SLC9A9: variants seen among roughly 807,000 people sequenced by gnomAD.
The protein encoded by SLC9A9 is solute carrier family 9 member A9, also known as sodium/hydrogen exchanger 9.
SLC9A9 carries 62 observed loss-of-function variants against 77.8 expected under a neutral mutation model. That is an observed-to-expected ratio of 0.80 (90% CI 0.65 to 0.98). SLC9A9 has a LOEUF of 0.98. SLC9A9 is among the 50% of genes least tolerant of loss of function. SLC9A9 has a pLI of 0.00. For synonymous variants in SLC9A9, 320 were observed against 283.5 expected, an observed-to-expected ratio of 1.13 and a Z score of -1.29; for missense variants, 775 against 774.9, an observed-to-expected ratio of 1.00 and a Z score of 0.00.
At chr3:143,691,046 C>G (rs1280677599) in intron 5 of SLC9A9, among the ~76,000 whole-genome samples, 2 of 152,034 alleles carry the variant, frequency 1.3e-5, no homozygotes, top group Admixed American at 1.3e-4. Flanking sequence ...ATATGAATCT[C>G]TTGAGGATAC....
intron 14 of SLC9A9, among the ~76,000 whole-genome samples, chr3:143,282,073 C>T (rs1366609420): frequency 1.3e-5 from 2 of 152,150 alleles, no homozygotes; most frequent in Non-Finnish European, 2.9e-5. Context: ...TTCAATATAG[C>T]TCTACTGTCA....
At chr3:143,435,227 C>A (rs1240457210) in intron 12 of SLC9A9, among the ~76,000 whole-genome samples, 1 of 152,088 alleles carries the variant, frequency 6.6e-6, no homozygotes, top group Non-Finnish European at 1.5e-5. Context: ...CTGTAAGCAT[C>A]TTGTAGCCAG....
chr3:143,741,890 C>T (rs1036282147), intron 4 of SLC9A9, among the ~76,000 whole-genome samples: 12 of 152,096 alleles, frequency 7.9e-5, no homozygotes, highest in Non-Finnish European at 1.0e-4. Context: ...GCTGAGTTAA[C>T]TTTGGGAGAA....
At chr3:143,381,145 T>C (rs1007927839) in intron 13 of SLC9A9, among the ~76,000 whole-genome samples, 28 of 152,224 alleles carry the variant, frequency 1.8e-4, no homozygotes, top group Admixed American at 5.9e-4. Flanking sequence ...GTTTGGAGAA[T>C]GCATTTCCCC....
intron 2 of SLC9A9, among the ~76,000 whole-genome samples, chr3:143,820,574 G>T (rs2009140319): frequency 6.6e-6 from 1 of 152,206 alleles, no homozygotes; most frequent in South Asian, 2.1e-4. Context: ...TTCATGTGGG[G>T]GTTGCCCTAC....
At chr3:143,270,162 T>G (rs917621214) in intron 14 of SLC9A9, among the ~76,000 whole-genome samples, 1 of 152,254 alleles carries the variant, frequency 6.6e-6, no homozygotes, top group African/African-American at 2.4e-5. Context: ...TCCTTTCAGA[T>G]GGGCAGCTGT....
chr3:143,351,955 A>C (rs1409982831), intron 14 of SLC9A9, among the ~76,000 whole-genome samples: 3 of 152,148 alleles, frequency 2.0e-5, no homozygotes, highest in African/African-American at 7.2e-5. Context: ...AAAGGAAAAA[A>C]AGTTGGCCAA....
intron 6 of SLC9A9, among the ~76,000 whole-genome samples, chr3:143,609,971 CA>C (rs1374550126): frequency 6.6e-6 from 1 of 152,040 alleles, no homozygotes; most frequent in Admixed American, 6.5e-5. Flanking sequence ...TGATTATATT[CA>C]AAATTCCCAT....
At chr3:143,337,945 T>A (rs12493355) in intron 14 of SLC9A9, among the ~76,000 whole-genome samples, 39,270 of 152,118 alleles carry the variant, frequency 0.26, 5,312 homozygotes, top group Admixed American at 0.33. Context: ...CTTTTAGCTA[T>A]TCTGTCCTTG....
intron 9 of SLC9A9, among the ~76,000 whole-genome samples, chr3:143,515,719 T>A (rs1444508347): frequency 6.6e-6 from 1 of 152,260 alleles, no homozygotes. Flanking sequence ...AATATTATTC[T>A]TATATTCCTG....
At chr3:143,643,444 A>T (rs1014392976) in intron 6 of SLC9A9, among the ~76,000 whole-genome samples, 1 of 152,212 alleles carries the variant, frequency 6.6e-6, no homozygotes, top group African/African-American at 2.4e-5. Flanking sequence ...AAGTTGTATT[A>T]CCATGAGTGA....
At chr3:143,567,753 C>T (rs7630200) in intron 8 of SLC9A9, among the ~76,000 whole-genome samples, 99,992 of 152,046 alleles carry the variant, frequency 0.66, 33,726 homozygotes, top group African/African-American at 0.81. Context: ...ATGCAGGCCA[C>T]GTGTTAATGA....
chr3:143,494,899 G>T (rs2140765), intron 10 of SLC9A9, among the ~76,000 whole-genome samples: 118,875 of 152,150 alleles, frequency 0.78, 47,569 homozygotes, highest in East Asian at 1. Context: ...TTTGAAGTCC[G>T]TATTGGAAAA....
At chr3:143,410,367 T>C (rs1225624555) in intron 12 of SLC9A9, among the ~76,000 whole-genome samples, 1 of 152,258 alleles carries the variant, frequency 6.6e-6, no homozygotes, top group Non-Finnish European at 1.5e-5. Context: ...TCCAACTCCC[T>C]GTATTCAAAA....
In SLC9A9 at chr3:143,551,701, T is replaced by G. The variant is rs565394279; in HGVS notation, c.1089+661A>C. On this transcript the variant is annotated intron_variant, in intron 9 of 15. Coordinates refer to ENST00000316549, the MANE Select transcript of SLC9A9 (RefSeq NM_173653.4). Reference sequence around the variant, plus strand: ...TATAGACGTATTTCTATGACAATACTTATAAAATTGTGGCAAGTTGTTTGC... The same window carrying G: ...TATAGACGTATTTCTATGACAATACGTATAAAATTGTGGCAAGTTGTTTGC... Among the ~76,000 whole-genome samples the G allele has an allele frequency of 2.0e-5, 3 of 152,366 alleles. No individual in the cohort carries two copies. In the East Asian group the frequency reaches 5.8e-4, roughly 29 times the overall value.
chr3:143,765,087 TTCTC>T (rs372561474), intron 4 of SLC9A9, among the ~76,000 whole-genome samples: 5,723 of 151,080 alleles, frequency 0.038, 176 homozygotes, highest in African/African-American at 0.073. Flanking sequence ...TTCTTTTTCT[TTCTC>T]TCTTTCTTTC....
chr3:143,266,969 A>G (rs759039835), intron 15 of SLC9A9, 40 bp from the exon 16 acceptor site: 9 of 1,598,562 alleles, frequency 5.6e-6, no homozygotes, highest in Middle Eastern at 1.7e-4. Flanking sequence ...TTCATGATGA[A>G]GGCAGAAAAC....
chr3:143,578,652 C>T lies in SLC9A9; in HGVS notation c.827G>A (p.Gly276Glu). The change falls in exon 7 of 16, where the codon GGG becomes GAG. Residue 276 changes from glycine (G) to glutamate (E), a missense_variant. Coordinates refer to ENST00000316549, the MANE Select transcript of SLC9A9 (RefSeq NM_173653.4). ...FDAAAFFQSVGNFLGIFAGSF... is the reference protein window; with the variant it reads ...FDAAAFFQSVENFLGIFAGSF... ...GCCAGCGAAGATTCCCAGGAAATTC[C>T]CCACAGACTGGAAGAATGCTGCGGC... 1 of 1,614,096 alleles carries T rather than the reference C, an allele frequency of 6.2e-7. No individual in the cohort carries two copies. Among genetic ancestry groups the T allele is most frequent in the South Asian group, 1.1e-5 (1 of 91,084 alleles).
intron 1 of SLC9A9, among the ~76,000 whole-genome samples, chr3:143,843,697 T>G (rs2009762393): frequency 6.6e-6 from 1 of 152,196 alleles, no homozygotes; most frequent in Admixed American, 6.5e-5. Context: ...ATAAATGTCC[T>G]GTAAAGTATG....
Sources: gnomAD v4.1 joint callset for allele counts (sites outside exome capture counted in the v4.1 genomes callset) on GRCh38, gnomAD v4.1.1 for gene constraint, MANE v1.5 for transcripts, NCBI Gene and HGNC (gene_info 2026-07-23, HGNC 2026-07-21) for gene names.